GALK2: variants seen among roughly 807,000 people sequenced by gnomAD.
GALK2 encodes the protein N-acetylgalactosamine kinase.
A neutral mutation model predicts 52.4 loss-of-function variants in GALK2; 36 were observed. The ratio of observed to expected loss-of-function variants is 0.69; its 90% confidence interval spans 0.53 to 0.91. GALK2 has a LOEUF of 0.91. GALK2 is among the 40% of genes least tolerant of loss of function. The pLI, the probability that GALK2 is intolerant of heterozygous loss-of-function variation, is 0.00. For missense variants in GALK2, 579 were observed against 559.1 expected (o/e 1.04, Z -0.36); for synonymous variants, 176 against 199.1 (o/e 0.88, Z 0.98).
intron 5 of GALK2, among the ~76,000 whole-genome samples, chr15:49,252,037 G>A (rs1195102354): frequency 1.3e-5 from 2 of 152,028 alleles, no homozygotes; most frequent in African/African-American, 4.8e-5. Context: ...AGGCAAAGGC[G>A]GGTGGATCAC....
At chr15:49,286,998 A>G (rs977276411) in intron 7 of GALK2, among the ~76,000 whole-genome samples, 1 of 152,218 alleles carries the variant, frequency 6.6e-6, no homozygotes, top group Non-Finnish European at 1.5e-5. Context: ...CAAAGATACA[A>G]GAAGAAAATG....
chr15:49,323,529 T>C (rs1262385907), intron 9 of GALK2, among the ~76,000 whole-genome samples: 1 of 152,202 alleles, frequency 6.6e-6, no homozygotes, highest in African/African-American at 2.4e-5. Flanking sequence ...TCTGAAGGGC[T>C]TCTTGGAAAC....
chr15:49,361,071 G>A (rs1343132293), intron 3 of GALK2, among the ~76,000 whole-genome samples: 1 of 152,106 alleles, frequency 6.6e-6, no homozygotes, highest in Non-Finnish European at 1.5e-5. Flanking sequence ...TTTCAGTTAG[G>A]AGGGATAAAT....
chr15:49,275,088 T>A (rs762900434), intron 5 of GALK2, among the ~76,000 whole-genome samples: 1 of 152,228 alleles, frequency 6.6e-6, no homozygotes, highest in Non-Finnish European at 1.5e-5. Context: ...TGCATAATCA[T>A]ACATACTACA....
chr15:49,209,138 T>G (rs2088585929), intron 2 of GALK2, among the ~76,000 whole-genome samples: 1 of 152,206 alleles, frequency 6.6e-6, no homozygotes, highest in Non-Finnish European at 1.5e-5. Flanking sequence ...AGTGGAGCAT[T>G]TGGGCCATTT....
At chr15:49,362,718 T>G (rs977817328) in intron 3 of GALK2, among the ~76,000 whole-genome samples, 1 of 152,062 alleles carries the variant, frequency 6.6e-6, no homozygotes, top group African/African-American at 2.4e-5. Context: ...CAGAATGGTA[T>G]GTCCTAGGTT....
intron 5 of GALK2, among the ~76,000 whole-genome samples, chr15:49,274,259 A>G (rs936381213): frequency 3.3e-5 from 5 of 152,232 alleles, no homozygotes; most frequent in African/African-American, 9.6e-5. Context: ...CACCTAGTCT[A>G]TATGGTACAG....
At chr15:49,274,298 A>G (rs552130715) in intron 5 of GALK2, among the ~76,000 whole-genome samples, 1 of 152,258 alleles carries the variant, frequency 6.6e-6, no homozygotes, top group Non-Finnish European at 1.5e-5. Context: ...TAGAACCAGT[A>G]CAGCATATTA....
intron 4 of GALK2, among the ~76,000 whole-genome samples, chr15:49,237,836 A>T (rs2090906988): frequency 6.6e-6 from 1 of 151,962 alleles, no homozygotes; most frequent in African/African-American, 2.4e-5. Context: ...TATATTAAAT[A>T]TATTGTATTC....
rs2092339617 is a variant in GALK2, at chr15:49,265,786, A to G, written c.505-16201A>G. Among the ~76,000 whole-genome samples, 4 of 152,268 alleles carry G rather than the reference A, an allele frequency of 2.6e-5. No homozygotes were observed. The South Asian group carries it at 6.2e-4, about 24-fold the overall frequency. On this transcript the variant is annotated intron_variant, in intron 5 of 9. Coordinates refer to ENST00000560031, the MANE Select transcript of GALK2 (RefSeq NM_002044.4). ...TGTTTGAAATTGTTTGAATGTTTGA[A>G]TATTCTTTGGGCTTCTGTGAAGATA...
chr15:49,171,858 A>G (rs1224829755), intron 1 of GALK2, among the ~76,000 whole-genome samples: 3 of 149,706 alleles, frequency 2.0e-5, no homozygotes, highest in Non-Finnish European at 4.4e-5. Context: ...TGCAACCTCC[A>G]CCTCCCAGGT....
At chr15:49,354,438 C>T (rs111239880) in intron 3 of GALK2, among the ~76,000 whole-genome samples, 25,430 of 152,044 alleles carry the variant, frequency 0.17, 2,359 homozygotes, top group Non-Finnish European at 0.21. Flanking sequence ...ACTTGGGAAG[C>T]GCAAGGGGTC....
chr15:49,187,601 G>A (rs1389247683), intron 1 of GALK2, among the ~76,000 whole-genome samples: 1 of 152,168 alleles, frequency 6.6e-6, no homozygotes, highest in Non-Finnish European at 1.5e-5. Flanking sequence ...TCTACTTGGT[G>A]CTCTATTCCA....
At position 49,331,858 on chromosome 15, in the gene GALK2, G is replaced by A; in HGVS notation, c.*3699G>A. 1 of 1,579,968 alleles carries A rather than the reference G, an allele frequency of 6.3e-7. No individual in the cohort carries two copies. The highest frequency in any genetic ancestry group is 8.7e-7 in the Non-Finnish European group (1 of 1,149,378). On this transcript the variant is annotated 3_prime_UTR_variant, in exon 10 of 10. Coordinates refer to ENST00000560031, the MANE Select transcript of GALK2 (RefSeq NM_002044.4). Reference sequence around the variant, plus strand: ...TAGCCTTTGCTTGGAGTCTAATCATGGAATAAAGAAAATCAGTAACCAAAC... The same window carrying A: ...TAGCCTTTGCTTGGAGTCTAATCATAGAATAAAGAAAATCAGTAACCAAAC...
intron 2 of GALK2, among the ~76,000 whole-genome samples, chr15:49,206,817 A>C (rs1314481080): frequency 6.6e-6 from 1 of 152,114 alleles, no homozygotes; most frequent in African/African-American, 2.4e-5. Context: ...TACCAATTTG[A>C]ATGCCCTATA....
At chr15:49,239,188 A>G in intron 4 of GALK2, 33 bp from the exon 5 acceptor site, 1 of 1,600,828 alleles carries the variant, frequency 6.2e-7, no homozygotes, top group Non-Finnish European at 8.6e-7. Flanking sequence ...TTCAATACTG[A>G]ATTACTGTTG....
intron 4 of GALK2, among the ~76,000 whole-genome samples, chr15:49,237,677 A>G (rs2090895168): frequency 6.6e-6 from 1 of 151,756 alleles, no homozygotes. Context: ...GGGTTTCACT[A>G]TATTGGCCAG....
chr15:49,191,374 T>G (rs1258564570), intron 1 of GALK2, among the ~76,000 whole-genome samples: 2 of 152,124 alleles, frequency 1.3e-5, no homozygotes, highest in Non-Finnish European at 2.9e-5. Flanking sequence ...CAACTTAGTT[T>G]TGGTTTGCTG....
At chr15:49,261,113 G>C (rs1174492847) in intron 5 of GALK2, among the ~76,000 whole-genome samples, 1 of 150,244 alleles carries the variant, frequency 6.7e-6, no homozygotes, top group Non-Finnish European at 1.5e-5. Flanking sequence ...GAAAGTCATT[G>C]GTAGCTTGAT....
Sources: gnomAD v4.1 joint callset for allele counts (sites outside exome capture counted in the v4.1 genomes callset) on GRCh38, gnomAD v4.1.1 for gene constraint, MANE v1.5 for transcripts, NCBI Gene and HGNC (gene_info 2026-07-23, HGNC 2026-07-21) for gene names.